Variants in RUNDC3B observed in about 807,000 individuals in gnomAD.
The protein encoded by RUNDC3B is RUN domain containing 3B.
A neutral mutation model predicts 58.4 loss-of-function variants in RUNDC3B; 33 were observed. The observed-to-expected ratio is 0.56, with a 90% CI of 0.43 to 0.75. The LOEUF (loss-of-function observed/expected upper bound fraction) is 0.75, where lower values mean the gene tolerates loss of function less well. Ranked by LOEUF, RUNDC3B falls within the 30% of genes least tolerant of loss-of-function variation. RUNDC3B has a pLI of 0.00. For missense variants in RUNDC3B, 501 were observed against 535.7 expected (o/e 0.94, Z 0.64); for synonymous variants, 193 against 195.2 (o/e 0.99, Z 0.10).
chr7:87,671,225 A>G (rs374576743), intron 2 of RUNDC3B, among the ~76,000 whole-genome samples: 13 of 152,258 alleles, frequency 8.5e-5, no homozygotes, highest in African/African-American at 3.1e-4. Flanking sequence ...CCTTGGGCTG[A>G]TTACAACTGG....
chr7:87,749,672 A>G (rs1161885760), intron 6 of RUNDC3B, among the ~76,000 whole-genome samples: 1 of 151,976 alleles, frequency 6.6e-6, no homozygotes, highest in Non-Finnish European at 1.5e-5. Flanking sequence ...CTCCCCCCAC[A>G]TTGCTGCTTT....
At chr7:87,784,083 G>A (rs1192412073) in intron 8 of RUNDC3B, among the ~76,000 whole-genome samples, 2 of 152,096 alleles carry the variant, frequency 1.3e-5, no homozygotes, top group Non-Finnish European at 2.9e-5. Flanking sequence ...AGTTCCAGAA[G>A]TTCACTTTAG....
chr7:87,781,936 A>C (rs571462743), intron 8 of RUNDC3B, among the ~76,000 whole-genome samples: 15 of 152,058 alleles, frequency 9.9e-5, no homozygotes, highest in African/African-American at 3.6e-4. Flanking sequence ...ATACTGGCCT[A>C]TAGTTTTCTT....
rs28381759 is a variant in RUNDC3B at position 87,649,359 on chromosome 7, T to G, written c.123-1463T>G. ...ACAACGTTCAAAGCATTGTCCTAGG[T>G]GCTGAGGGAGATACATAGTTCAGAA... On this transcript the variant is annotated intron_variant, in intron 1 of 10. Coordinates refer to ENST00000394654, the MANE Select transcript of RUNDC3B (RefSeq NM_001134405.2). Among the ~76,000 whole-genome samples, 302 of 152,298 alleles carry G rather than the reference T, an allele frequency of 2.0e-3. 1 individual carries two copies. The highest frequency in any genetic ancestry group is 3.3e-3 in the Non-Finnish European group (222 of 68,030).
chr7:87,752,976 A>T (rs2130836539), intron 6 of RUNDC3B, among the ~76,000 whole-genome samples: 1 of 151,360 alleles, frequency 6.6e-6, no homozygotes, highest in East Asian at 1.9e-4. Flanking sequence ...TTAGGGTGTC[A>T]ATTTTGGATC....
rs188935237 is a variant in RUNDC3B at position 87,748,254 on chromosome 7, T to A, written c.629+6675T>A. The stretch of plus-strand genomic sequence containing the variant: ...CTCCCACAAACAGACCTTCAGCTTC[T>A]CCAGTGGGGGTGTGTGTTTGGGAGA... On this transcript the variant is annotated intron_variant, in intron 6 of 10. Transcript: ENST00000394654. Among the ~76,000 whole-genome samples, 14 of 152,328 alleles carry A rather than the reference T, an allele frequency of 9.2e-5. No homozygotes were observed. The East Asian group carries it at 2.5e-3, about 27-fold the overall frequency.
At position 87,628,705 on chromosome 7, in the gene RUNDC3B, T is replaced by C. The variant is rs370491557; in HGVS notation, c.-119T>C. The stretch of plus-strand genomic sequence containing the variant: ...TTCCACACCCTTCCTCCCTCCAGGC[T>C]CCTTTCCTACATCCTTCCCGCGCCC... On this transcript the variant is annotated 5_prime_UTR_variant, in exon 1 of 11. Coordinates refer to ENST00000394654, the MANE Select transcript of RUNDC3B (RefSeq NM_001134405.2). The C allele has an allele frequency of 4.4e-5, 26 of 589,564 alleles. No homozygotes were observed. The highest frequency in any genetic ancestry group is 4.4e-4 in the African/African-American group (23 of 52,312). 36.5% of individuals were successfully genotyped at this position (589,564 alleles called of 1,614,324 possible).
chr7:87,674,318 C>A (rs1288317060), intron 2 of RUNDC3B, among the ~76,000 whole-genome samples: 1 of 152,028 alleles, frequency 6.6e-6, no homozygotes, highest in Non-Finnish European at 1.5e-5. Context: ...TACTGGCATC[C>A]ATGCATGCTC....
chr7:87,673,256 G>T (rs1826007105), intron 2 of RUNDC3B, among the ~76,000 whole-genome samples: 2 of 152,154 alleles, frequency 1.3e-5, no homozygotes, highest in Non-Finnish European at 1.5e-5. Flanking sequence ...GAATTTGAAT[G>T]TTGACTTCTC....
At chr7:87,797,191 A>G (rs1835868072) in intron 8 of RUNDC3B, among the ~76,000 whole-genome samples, 1 of 152,206 alleles carries the variant, frequency 6.6e-6, no homozygotes, top group Non-Finnish European at 1.5e-5. Context: ...AGACTGCATC[A>G]TAAAATAATA....
intron 2 of RUNDC3B, among the ~76,000 whole-genome samples, chr7:87,669,705 A>T (rs1422393542): frequency 6.6e-6 from 1 of 152,148 alleles, no homozygotes. Context: ...TCTGAAAAGG[A>T]TCTTATTTCT....
intron 10 of RUNDC3B, 41 bp from the exon 11 acceptor site, chr7:87,829,844 G>T (rs1292246451): frequency 1.4e-6 from 2 of 1,420,712 alleles, no homozygotes; most frequent in East Asian, 4.7e-5. Flanking sequence ...TATCATTCTT[G>T]AAGGGCAATT....
chr7:87,716,916 A>G (rs1356026460), intron 4 of RUNDC3B, among the ~76,000 whole-genome samples: 2 of 152,202 alleles, frequency 1.3e-5, no homozygotes, highest in East Asian at 3.8e-4. Context: ...GGCTCACTAT[A>G]GCCTTGACCT....
chr7:87,686,368 G>A (rs1174377984), intron 2 of RUNDC3B, among the ~76,000 whole-genome samples: 2 of 152,190 alleles, frequency 1.3e-5, no homozygotes, highest in African/African-American at 4.8e-5. Flanking sequence ...CGAGCATGGT[G>A]TAACACAAAG....
intron 4 of RUNDC3B, among the ~76,000 whole-genome samples, chr7:87,725,121 AG>A (rs941371733): frequency 7.2e-5 from 11 of 152,160 alleles, no homozygotes; most frequent in Non-Finnish European, 1.6e-4. Context: ...TTTAAGTTCT[AG>A]GGTACATGTG....
intron 8 of RUNDC3B, among the ~76,000 whole-genome samples, chr7:87,779,120 TATATG>T (rs1421184972): frequency 1.3e-5 from 2 of 152,174 alleles, no homozygotes; most frequent in Non-Finnish European, 2.9e-5. Context: ...AATGTTCTCT[TATATG>T]ATCATAGTTC....
intron 2 of RUNDC3B, among the ~76,000 whole-genome samples, chr7:87,668,201 T>C (rs1278198897): frequency 6.6e-6 from 1 of 152,050 alleles, no homozygotes; most frequent in African/African-American, 2.4e-5. Context: ...AGTTTCTTCC[T>C]GGCTCTGTCT....
At chr7:87,636,378 A>G (rs1584960365) in intron 1 of RUNDC3B, among the ~76,000 whole-genome samples, 1 of 152,210 alleles carries the variant, frequency 6.6e-6, no homozygotes, top group African/African-American at 2.4e-5. Context: ...ATTTTCTTTC[A>G]TAAAATGGCA....
intron 2 of RUNDC3B, among the ~76,000 whole-genome samples, chr7:87,678,080 G>A (rs1826558890): frequency 1.3e-5 from 2 of 152,330 alleles, no homozygotes; most frequent in South Asian, 4.1e-4. Context: ...GGTATCAGAA[G>A]AAAACTTGGA....
Sources: gnomAD v4.1 joint callset for allele counts (sites outside exome capture counted in the v4.1 genomes callset) on GRCh38, gnomAD v4.1.1 for gene constraint, MANE v1.5 for transcripts, NCBI Gene and HGNC (gene_info 2026-07-23, HGNC 2026-07-21) for gene names.